The following STRN variants were observed in gnomAD, a reference collection of about 807,000 sequenced individuals.
STRN encodes the protein striatin, also known as protein phosphatase 2 regulatory subunit B'''alpha.
STRN carries 53 observed loss-of-function variants against 96.3 expected under a neutral mutation model. The ratio of observed to expected loss-of-function variants is 0.55; its 90% CI spans 0.44 to 0.69. STRN has a LOEUF of 0.69. STRN is among the 30% of genes least tolerant of loss of function. The pLI is 0.00. For missense variants in STRN, 987 were observed against 963.9 expected (o/e 1.02, Z -0.32); for synonymous variants, 428 against 355.9 (o/e 1.20, Z -2.28).
chr2:36,959,392 T>C (rs1421706671), intron 1 of STRN, among the ~76,000 whole-genome samples: 3 of 152,174 alleles, frequency 2.0e-5, no homozygotes, highest in Non-Finnish European at 4.4e-5. Context: ...TATACTCAAA[T>C]TGGAATGATA....
At chr2:36,908,739 C>T (rs1362825713) in intron 3 of STRN, among the ~76,000 whole-genome samples, 1 of 152,106 alleles carries the variant, frequency 6.6e-6, no homozygotes, top group East Asian at 1.9e-4. Flanking sequence ...TTTGGGAGGC[C>T]GTGGTGGGCG....
At chr2:36,907,608 T>C (rs1345264453) in intron 3 of STRN, among the ~76,000 whole-genome samples, 1 of 152,162 alleles carries the variant, frequency 6.6e-6, no homozygotes, top group Non-Finnish European at 1.5e-5. Context: ...ACATACATTA[T>C]CTCTTTTATT....
intron 6 of STRN, among the ~76,000 whole-genome samples, chr2:36,895,454 A>C (rs1166467203): frequency 6.6e-6 from 1 of 152,194 alleles, no homozygotes. Flanking sequence ...AGCACCTCCC[A>C]ATCTACCATC....
intron 1 of STRN, among the ~76,000 whole-genome samples, chr2:36,956,427 G>A (rs1243522460): frequency 1.3e-5 from 2 of 152,134 alleles, no homozygotes; most frequent in African/African-American, 4.8e-5. Context: ...ACTTTCAACT[G>A]TCCAATTATG....
rs151205964 is a variant in STRN at position 36,894,842 on chromosome 2, G to A, written c.796-809C>T. ...AGTAGACCCCAAAGATGACAAACAC[G>A]TGACTTGTATGGCCCTGTTCCCATG... On this transcript the variant is annotated intron_variant, in intron 6 of 17. Transcript: ENST00000263918. 2.3e-3 allele frequency among the ~76,000 whole-genome samples: 356 copies of A among 152,238 alleles called. 6 individuals carry two copies. Among genetic ancestry groups the A allele is most frequent in the Non-Finnish European group, 4.4e-4 (30 of 68,018 alleles).
At chr2:36,886,271 T>C (rs143599290) in intron 8 of STRN, among the ~76,000 whole-genome samples, 1,631 of 152,242 alleles carry the variant, frequency 0.011, 12 homozygotes, top group Middle Eastern at 0.017. Context: ...TATGAACACA[T>C]AGAATATTCA....
intron 3 of STRN, among the ~76,000 whole-genome samples, chr2:36,906,391 C>T (rs1267531561): frequency 6.6e-6 from 1 of 151,874 alleles, no homozygotes; most frequent in East Asian, 1.9e-4. Flanking sequence ...CCTGGGAAGA[C>T]GAGGCTGCAG....
chr2:36,855,467 C>T, intron 14 of STRN, 115 bp from the exon 15 acceptor site: 1 of 1,032,290 alleles, frequency 9.7e-7, no homozygotes, highest in Non-Finnish European at 1.4e-6. Flanking sequence ...ACAAGGCTTA[C>T]CATTAGAATA....
chr2:36,851,289 C>G (rs933551558), intron 15 of STRN, among the ~76,000 whole-genome samples, 182 bp from the exon 16 acceptor site: 3 of 151,756 alleles, frequency 2.0e-5, no homozygotes, highest in African/African-American at 7.2e-5. Context: ...TCGAGACCAT[C>G]CTGGCCAACA....
intron 12 of STRN, among the ~76,000 whole-genome samples, chr2:36,864,901 G>C (rs1417723736): frequency 1.3e-5 from 2 of 152,118 alleles, no homozygotes; most frequent in African/African-American, 2.4e-5. Flanking sequence ...TTTTAGCAGA[G>C]ATGGGGTTTC....
rs186752399 is a variant in STRN at position 36,898,626 on chromosome 2, T to C, written c.795+897A>G. On this transcript the variant is annotated intron_variant, in intron 6 of 17. Coordinates refer to ENST00000263918, the MANE Select transcript of STRN (RefSeq NM_003162.4). ...AAATCCTCCAAGGTTAAGATGGCTA[T>C]TTATAACAATCCTCATTTTACAAAT... Among the ~76,000 whole-genome samples the C allele has an allele frequency of 5.8e-4, 89 of 152,318 alleles. 1 individual carries two copies. The highest frequency in any genetic ancestry group is 2.0e-3 in the African/African-American group (85 of 41,574).
rs1668157867 is a variant in STRN, at chr2:36,849,277, C to T, written c.*179G>A. 1 of 721,610 alleles carries T rather than the reference C, an allele frequency of 1.4e-6. No homozygotes were observed. Among genetic ancestry groups the T allele is most frequent in the Non-Finnish European group, 2.2e-6 (1 of 460,584 alleles). 44.7% of individuals were successfully genotyped at this position (721,610 alleles called of 1,614,324 possible). A position where few individuals can be genotyped will look rare whatever the true frequency, so the allele number is the denominator to read the frequency against. Reference sequence around the variant, plus strand: ...TCAGCTGAGCTTGCAGCAACCTGAACAAACCTTAGTTTTAGAAAACAGTAT... The same window carrying T: ...TCAGCTGAGCTTGCAGCAACCTGAATAAACCTTAGTTTTAGAAAACAGTAT... On this transcript the variant is annotated 3_prime_UTR_variant, in exon 18 of 18. Transcript: ENST00000263918.
intron 12 of STRN, chr2:36,867,499 C>A (rs551558927): frequency 4.7e-5 from 9 of 191,548 alleles, no homozygotes; most frequent in Admixed American, 1.2e-4. Context: ...AAAGGAGGCA[C>A]TTGAATATTT....
Position 36,916,139 on chromosome 2 carries a change from G to A in STRN, c.351C>T (p.His117=), listed in dbSNP as rs750401731. ...TCAATTCTGTCCCGTATTTCAACTT[G>A]TGGTATTTGGCTCTAACAAAGAAAT... The part of the protein sequence containing the change: ...YALKQERAKY[H]KLKYGTELNQ... Residue 117 remains histidine, a synonymous_variant, in exon 3 of 18, where the codon CAC becomes CAT. Transcript: ENST00000263918. The A allele has an allele frequency of 1.9e-6, 3 of 1,613,314 alleles. No individual in the cohort carries two copies. In the Admixed American group the frequency reaches 5.0e-5, roughly 27 times the overall value.
chr2:36,849,510 G>A lies in STRN; in HGVS notation c.2289C>T (p.Ser763=), dbSNP rs562129896. 4.3e-6 allele frequency: 7 copies of A among 1,614,120 alleles called. No homozygotes were observed. The highest frequency in any genetic ancestry group is 5.9e-6 in the Non-Finnish European group (7 of 1,179,996). ...CTCCAGCACTGGCTATATAGCATTTGGATGGGTGGAAAGCTACATCATGAA... is the reference window on the plus strand; with the variant it reads ...CTCCAGCACTGGCTATATAGCATTTAGATGGGTGGAAAGCTACATCATGAA... The part of the protein sequence containing the change: ...ESIHDVAFHP[S]KCYIASAGAD... Residue 763 remains serine (S), a synonymous_variant, in exon 18 of 18, where the codon TCC becomes TCT. Transcript: ENST00000263918.
intron 15 of STRN, 104 bp downstream of exon 15, chr2:36,855,108 G>A: frequency 1.6e-6 from 2 of 1,223,908 alleles, no homozygotes; most frequent in Non-Finnish European, 2.3e-6. Flanking sequence ...TTAAGAGACA[G>A]AAAGCTTTAT....
intron 1 of STRN, among the ~76,000 whole-genome samples, chr2:36,959,759 T>C (rs1054208187): frequency 2.0e-5 from 3 of 152,208 alleles, no homozygotes; most frequent in Non-Finnish European, 4.4e-5. Context: ...CAAACTTTTA[T>C]AGATAATGTA....
chr2:36,927,767 T>C (rs1220615642), intron 1 of STRN, among the ~76,000 whole-genome samples: 2 of 152,226 alleles, frequency 1.3e-5, no homozygotes, highest in East Asian at 1.9e-4. Context: ...GACATTTAAA[T>C]GTTAGCTGTG....
rs887137743 is a variant in STRN, at chr2:36,913,989, A to AT, written c.412+2088dup. On this transcript the variant is annotated intron_variant, in intron 3 of 17. Coordinates refer to ENST00000263918, the MANE Select transcript of STRN (RefSeq NM_003162.4). ...GCGCTGTTTACTTATAAACTTGATG[A>AT]TTTTTTTTTTTAAGAGACAGGATCT... Among the ~76,000 whole-genome samples the AT allele has an allele frequency of 6.5e-3, 956 of 148,200 alleles. 15 individuals carry two copies. The highest frequency in any genetic ancestry group is 0.022 in the African/African-American group (876 of 40,634).
Sources: allele counts gnomAD v4.1 joint callset (sites outside exome capture counted in the v4.1 genomes callset), GRCh38; gene constraint gnomAD v4.1.1; transcripts MANE v1.5; gene names NCBI Gene and HGNC (gene_info 2026-07-23, HGNC 2026-07-21).